Variants in NRG3 observed in about 807,000 individuals in gnomAD.
NRG3 encodes the protein neuregulin 3.
A neutral mutation model predicts 66.9 loss-of-function variants in NRG3; 31 were observed. The ratio of observed to expected loss-of-function variants is 0.46; its 90% CI spans 0.35 to 0.63. The LOEUF (loss-of-function observed/expected upper bound fraction) is 0.63. NRG3 is among the 20% of genes least tolerant of loss of function. NRG3 has a pLI of 0.00. For synonymous variants in NRG3, 393 were observed against 359.4 expected (o/e 1.09, Z -1.06); for missense variants, 910 against 878.9 (o/e 1.04, Z -0.45).
intron 2 of NRG3, among the ~76,000 whole-genome samples, chr10:82,517,110 C>T (rs12220712): frequency 0.056 from 8,486 of 151,590 alleles, 518 homozygotes; most frequent in East Asian, 0.17. Context: ...CCCAGGTTCA[C>T]CACACTCTTT....
chr10:82,701,385 T>G (rs1254789506), intron 2 of NRG3, among the ~76,000 whole-genome samples: 1 of 152,182 alleles, frequency 6.6e-6, no homozygotes, highest in Non-Finnish European at 1.5e-5. Flanking sequence ...CAAGTACTCC[T>G]GCCTCTCGCT....
intron 1 of NRG3, among the ~76,000 whole-genome samples, chr10:81,966,270 T>A (rs2059727192): frequency 6.6e-6 from 1 of 150,824 alleles, no homozygotes; most frequent in East Asian, 1.9e-4. Flanking sequence ...TGCTACTAAA[T>A]TTTTAATAAA....
intron 2 of NRG3, among the ~76,000 whole-genome samples, chr10:82,680,060 T>G (rs2054001397): frequency 6.6e-6 from 1 of 152,194 alleles, no homozygotes; most frequent in East Asian, 1.9e-4. Flanking sequence ...ATGTAGCTAG[T>G]TACACCAAAA....
At chr10:82,636,835 A>T (rs10736211) in intron 2 of NRG3, among the ~76,000 whole-genome samples, 67,428 of 147,038 alleles carry the variant, frequency 0.46, 15,219 homozygotes, top group Non-Finnish European at 0.5. Context: ...TGTGTGTGTG[A>T]GAGAGAGAGT....
chr10:82,594,393 G>A (rs1258206732), intron 2 of NRG3, among the ~76,000 whole-genome samples: 2 of 151,954 alleles, frequency 1.3e-5, no homozygotes, highest in Admixed American at 1.3e-4. Flanking sequence ...AATCCAGAAA[G>A]GCATTGTTGC....
At chr10:82,950,322 G>T (rs907760851) in intron 4 of NRG3, among the ~76,000 whole-genome samples, 9 of 152,158 alleles carry the variant, frequency 5.9e-5, no homozygotes, top group South Asian at 4.1e-4. Context: ...TGTATAGAAG[G>T]TCTGAGAGTG....
At chr10:82,311,869 A>T (rs894333645) in intron 1 of NRG3, among the ~76,000 whole-genome samples, 1 of 152,172 alleles carries the variant, frequency 6.6e-6, no homozygotes, top group Non-Finnish European at 1.5e-5. Flanking sequence ...TGTGATCTTG[A>T]TCCTCTCCAT....
At chr10:82,109,702 A>T (rs1041458487) in intron 1 of NRG3, among the ~76,000 whole-genome samples, 6 of 152,076 alleles carry the variant, frequency 3.9e-5, no homozygotes, top group Non-Finnish European at 4.4e-5. Context: ...TCTTCAATTA[A>T]TAATAATATT....
intron 2 of NRG3, among the ~76,000 whole-genome samples, chr10:82,693,523 G>A (rs1289619952): frequency 6.6e-6 from 1 of 152,166 alleles, no homozygotes; most frequent in East Asian, 1.9e-4. Flanking sequence ...CTGTGTGTGA[G>A]TTACTAAATC....
Position 82,132,531 on chromosome 10 carries a change from T to G in NRG3, c.824-226208T>G, listed in dbSNP as rs1334253720. ...ATATATATATGATATATATGATATATATATGATATATATATATCTTTGTCT... is the reference window on the plus strand; with the variant it reads ...ATATATATATGATATATATGATATAGATATGATATATATATATCTTTGTCT... On this transcript the variant is annotated intron_variant, in intron 1 of 8. Transcript: ENST00000372141. Among the ~76,000 whole-genome samples, 12 of 102,716 alleles carry G rather than the reference T, an allele frequency of 1.2e-4. 1 individual carries two copies. The highest frequency in any genetic ancestry group is 6.5e-4 in the African/African-American group (12 of 18,450). The allele number at this position is 102,716 out of a possible 152,430, so 67.4% of individuals were successfully genotyped here. A position where few individuals can be genotyped will look rare whatever the true frequency, so the allele number is the denominator to read the frequency against.
At chr10:82,764,519 C>T (rs1221652796) in intron 3 of NRG3, among the ~76,000 whole-genome samples, 3 of 151,672 alleles carry the variant, frequency 2.0e-5, no homozygotes, top group African/African-American at 7.3e-5. Flanking sequence ...CCCACCGCCA[C>T]GCCTGGCTAA....
At chr10:82,219,352 T>TG (rs199576448) in intron 1 of NRG3, among the ~76,000 whole-genome samples, 1 of 144,718 alleles carries the variant, frequency 6.9e-6, no homozygotes, top group East Asian at 2.1e-4. Flanking sequence ...AGATGTCTTC[T>TG]GGGGGGCGTA....
At chr10:82,371,115 T>G (rs1387076390) in intron 2 of NRG3, among the ~76,000 whole-genome samples, 1 of 152,078 alleles carries the variant, frequency 6.6e-6, no homozygotes, top group East Asian at 1.9e-4. Flanking sequence ...GCCAACAGAA[T>G]CTAGTGTGGA....
intron 4 of NRG3, among the ~76,000 whole-genome samples, chr10:82,946,211 T>TAAAA (rs201328836): frequency 7.7e-6 from 1 of 129,154 alleles, no homozygotes; most frequent in African/African-American, 2.9e-5. Flanking sequence ...ATTTGAGATT[T>TAAAA]AAAAAAAAAA....
chr10:82,917,726 G>A (rs1398218404), intron 4 of NRG3, among the ~76,000 whole-genome samples: 1 of 151,916 alleles, frequency 6.6e-6, no homozygotes, highest in Non-Finnish European at 1.5e-5. Flanking sequence ...TAATAATGAA[G>A]TCTCTTGCTG....
At chr10:82,421,774 G>C (rs371580200) in intron 2 of NRG3, among the ~76,000 whole-genome samples, 1 of 151,992 alleles carries the variant, frequency 6.6e-6, no homozygotes, top group Non-Finnish European at 1.5e-5. Flanking sequence ...CAGTTCCTGA[G>C]TAGCTGTAAT....
chr10:82,259,331 AT>A, intron 1 of NRG3, among the ~76,000 whole-genome samples: 1 of 152,126 alleles, frequency 6.6e-6, no homozygotes, highest in East Asian at 1.9e-4. Flanking sequence ...GTTAGCATAC[AT>A]TTGACAAGTA....
chr10:82,292,908 C>T lies in NRG3; in HGVS notation c.824-65831C>T, dbSNP rs61492611. 9.3e-3 allele frequency among the ~76,000 whole-genome samples: 1,419 copies of T among 152,220 alleles called. 29 individuals are homozygous for T. The highest frequency in any genetic ancestry group is 0.033 in the African/African-American group (1,353 of 41,514). ...CTTATGGTGAAGGAATATTCTGCAT[C>T]TTGAGGGTGTCAATGTCAACAGCTT... On this transcript the variant is annotated intron_variant, in intron 1 of 8. Transcript: ENST00000372141.
chr10:81,943,853 G>A (rs1046970178), intron 1 of NRG3, among the ~76,000 whole-genome samples: 11 of 152,138 alleles, frequency 7.2e-5, no homozygotes, highest in Admixed American at 5.9e-4. Context: ...TTTACTCACA[G>A]CTTCCACCTC....
Sources: allele counts gnomAD v4.1 joint callset (sites outside exome capture counted in the v4.1 genomes callset), GRCh38; gene constraint gnomAD v4.1.1; transcripts MANE v1.5; gene names NCBI Gene and HGNC (gene_info 2026-07-23, HGNC 2026-07-21).